The following ZMYM1 variants were observed in gnomAD, a reference collection of about 807,000 sequenced individuals.
The protein encoded by ZMYM1 is zinc finger MYM-type protein 1.
ZMYM1 carries 39 observed loss-of-function variants against 60.0 expected under a neutral mutation model. The observed-to-expected ratio is 0.65, with a 90% CI of 0.50 to 0.85. The LOEUF is 0.85. Ranked by LOEUF, ZMYM1 falls within the 40% of genes least tolerant of loss-of-function variation. ZMYM1 has a pLI of 0.00. For missense variants in ZMYM1, 1,171 were observed against 1,309.5 expected (o/e 0.89, Z 1.63); for synonymous variants, 413 against 454.0 (o/e 0.91, Z 1.15).
Position 35,114,548 on chromosome 1 carries a change from C to T in ZMYM1, c.2718C>T (p.Asp906=), listed in dbSNP as rs184498461. 44 of 1,610,188 alleles carry T rather than the reference C, an allele frequency of 2.7e-5. No homozygotes were observed. In the East Asian group the frequency reaches 2.9e-4, roughly 11 times the overall value. The change falls in exon 10 of 10, where the codon GAC becomes GAT. Residue 906 remains aspartate, a synonymous_variant. Coordinates refer to ENST00000359858, the MANE Select transcript of ZMYM1 (RefSeq NM_024772.5). The part of the protein sequence containing the change: ...ILECLSSERN[D]VYFKTIWDGT... ...AATGTTTATCATCTGAAAGAAATGA[C>T]GTATACTTTAAAACAATCTGGGATG...
At chr1:35,075,862 C>T (rs532949650), upstream of ZMYM1, among the ~76,000 whole-genome samples, 2 of 152,168 alleles carry the variant, frequency 1.3e-5, no homozygotes, top group Non-Finnish European at 2.9e-5. Flanking sequence ...AGACATCAAT[C>T]AGATAAAAGC....
chr1:35,108,103 C>G (rs1410052347), intron 6 of ZMYM1, among the ~76,000 whole-genome samples: 1 of 152,080 alleles, frequency 6.6e-6, no homozygotes, highest in Non-Finnish European at 1.5e-5. Context: ...CAGAGCAAGA[C>G]TCTGTCTCAA....
At chr1:35,075,661 G>A (rs552788980), upstream of ZMYM1, among the ~76,000 whole-genome samples, 61 of 152,096 alleles carry the variant, frequency 4.0e-4, no homozygotes, top group Non-Finnish European at 1.5e-5. Flanking sequence ...ATTAACCCTA[G>A]CAAAAACCAC....
intron 1 of ZMYM1, among the ~76,000 whole-genome samples, chr1:35,090,766 G>A (rs1017084267): frequency 6.6e-6 from 1 of 152,054 alleles, no homozygotes; most frequent in African/African-American, 2.4e-5. Flanking sequence ...GACCAACATG[G>A]AGAAACCCTG....
rs1464546786 is a variant in ZMYM1, at chr1:35,088,454, A to ATATATATATATATG, written c.-74-5459_-74-5458insATATATATATATGT. Among the ~76,000 whole-genome samples, 14 of 107,244 alleles carry ATATATATATATATG rather than the reference A, an allele frequency of 1.3e-4. No homozygotes were observed. In the East Asian group the frequency reaches 1.8e-3, roughly 14 times the overall value. 70.4% of individuals were successfully genotyped at this position (107,244 alleles called of 152,430 possible). A position where few individuals can be genotyped will look rare whatever the true frequency, so the allele number is the denominator to read the frequency against. On this transcript the variant is annotated intron_variant, in intron 1 of 9. Coordinates refer to ENST00000359858, the MANE Select transcript of ZMYM1 (RefSeq NM_024772.5). ...TATGTGTATATATATATATATATAT[A>ATATATATATATATG]TGTGTGTGTGTGTGTGTGTGTGTGT...
At chr1:35,083,672 G>A (rs1338526650) in intron 1 of ZMYM1, among the ~76,000 whole-genome samples, 1 of 152,144 alleles carries the variant, frequency 6.6e-6, no homozygotes, top group Non-Finnish European at 1.5e-5. Context: ...TTGGTGTGCA[G>A]TGGTGCGATC....
chr1:35,077,381 T>A (rs907594652), upstream of ZMYM1, among the ~76,000 whole-genome samples: 3 of 152,190 alleles, frequency 2.0e-5, no homozygotes, highest in African/African-American at 7.2e-5. Context: ...GAATTTAGTT[T>A]ATAGTTTAAA....
At chr1:35,077,543 T>G (rs1466143326), upstream of ZMYM1, among the ~76,000 whole-genome samples, 2 of 152,186 alleles carry the variant, frequency 1.3e-5, no homozygotes, top group Non-Finnish European at 2.9e-5. Flanking sequence ...CTCCCTAAAC[T>G]GCTCCTGAGA....
intron 6 of ZMYM1, among the ~76,000 whole-genome samples, chr1:35,107,118 T>C (rs1208098756): frequency 6.7e-6 from 1 of 148,750 alleles, no homozygotes; most frequent in Non-Finnish European, 1.5e-5. Context: ...CCCAAAGTGC[T>C]GGGATTACAG....
chr1:35,072,911 G>T (rs1405704753), intron 1 of ZMYM1, among the ~76,000 whole-genome samples: 5 of 152,072 alleles, frequency 3.3e-5, no homozygotes, highest in African/African-American at 7.2e-5. Context: ...GTGAAACCCT[G>T]TCTCTACTAA....
chr1:35,110,202 A>G, intron 6 of ZMYM1, 92 bp from the exon 7 acceptor site: 3 of 968,818 alleles, frequency 3.1e-6, no homozygotes, highest in South Asian at 8.1e-5. Context: ...ATTCTTTTTA[A>G]TATTCCAACT....
At chr1:35,110,055 T>C (rs997047615) in intron 6 of ZMYM1, among the ~76,000 whole-genome samples, 3 of 152,108 alleles carry the variant, frequency 2.0e-5, no homozygotes, top group African/African-American at 7.2e-5. Flanking sequence ...GCCTTACTGC[T>C]TTCATAGGTA....
chr1:35,087,414 C>A (rs1213570618), intron 1 of ZMYM1, among the ~76,000 whole-genome samples: 1 of 137,410 alleles, frequency 7.3e-6, no homozygotes, highest in African/African-American at 2.7e-5. Context: ...GGAAATAACT[C>A]TTGAAACTTG....
At chr1:35,107,142 C>T (rs1434128589) in intron 6 of ZMYM1, among the ~76,000 whole-genome samples, 2 of 149,678 alleles carry the variant, frequency 1.3e-5, no homozygotes, top group African/African-American at 4.9e-5. Context: ...TGAGCCACCG[C>T]GCCTGGCCGG....
chr1:35,109,170 C>T (rs1052579235), intron 6 of ZMYM1, among the ~76,000 whole-genome samples: 7 of 152,044 alleles, frequency 4.6e-5, no homozygotes, highest in East Asian at 1.9e-4. Flanking sequence ...TACAGGCGCA[C>T]GCCACCACAC....
chr1:35,063,711 T>G (rs1641916970), intron 1 of ZMYM1, among the ~76,000 whole-genome samples: 1 of 152,194 alleles, frequency 6.6e-6, no homozygotes, highest in Non-Finnish European at 1.5e-5. Context: ...AAATAGGGTT[T>G]GCTGAACATT....
At chr1:35,062,156 C>T (rs559142043) in intron 1 of ZMYM1, among the ~76,000 whole-genome samples, 4 of 152,176 alleles carry the variant, frequency 2.6e-5, no homozygotes, top group South Asian at 4.2e-4. Context: ...TTATGTAAAG[C>T]GTCAATTATT....
At chr1:35,094,132 T>C in intron 2 of ZMYM1, 49 bp downstream of exon 2, 1 of 1,499,290 alleles carries the variant, frequency 6.7e-7, no homozygotes. Flanking sequence ...CATTTAACTA[T>C]AAATTTTAGT....
At chr1:35,101,507 C>T (rs919598718) in intron 4 of ZMYM1, among the ~76,000 whole-genome samples, 13 of 149,634 alleles carry the variant, frequency 8.7e-5, no homozygotes, top group African/African-American at 2.7e-4. Flanking sequence ...GACTTCCATG[C>T]GTCGCTGATG....
Sources: gnomAD v4.1 joint callset for allele counts (sites outside exome capture counted in the v4.1 genomes callset) on GRCh38, gnomAD v4.1.1 for gene constraint, MANE v1.5 for transcripts, NCBI Gene and HGNC (gene_info 2026-07-23, HGNC 2026-07-21) for gene names.